BMPR2: variants seen among roughly 807,000 people sequenced by gnomAD.
BMPR2 encodes bone morphogenetic protein receptor type 2.
A neutral mutation model predicts 100.8 loss-of-function variants in BMPR2; 29 were observed. The ratio of observed to expected loss-of-function variants is 0.29; its 90% confidence interval spans 0.21 to 0.39. BMPR2 has a LOEUF of 0.39. Among genes scored for constraint, BMPR2 ranks in the 10% least tolerant of loss-of-function variants. The pLI is 1.00. For missense variants in BMPR2, 1,011 were observed against 1,274.5 expected (o/e 0.79, Z 3.15); for synonymous variants, 382 against 442.3 (o/e 0.86, Z 1.71).
chr2:202,459,934 G>A (rs985687318), intron 1 of BMPR2, among the ~76,000 whole-genome samples: 36 of 151,084 alleles, frequency 2.4e-4, no homozygotes, highest in Admixed American at 1.3e-3. Context: ...AAGCAACCTC[G>A]TTAAAAAGTG....
intron 1 of BMPR2, among the ~76,000 whole-genome samples, chr2:202,378,865 G>C (rs925767292): frequency 3.3e-5 from 5 of 152,046 alleles, no homozygotes; most frequent in African/African-American, 9.6e-5. Flanking sequence ...GGAGTAAAAG[G>C]CCTTAAACGT....
chr2:202,473,726 G>C (rs1307108084), intron 3 of BMPR2, among the ~76,000 whole-genome samples: 1 of 151,808 alleles, frequency 6.6e-6, no homozygotes, highest in Non-Finnish European at 1.5e-5. Flanking sequence ...AGGAGGCGGA[G>C]GTTGCAGTGA....
At chr2:202,519,523 T>C (rs1687783349) in intron 6 of BMPR2, among the ~76,000 whole-genome samples, 1 of 152,220 alleles carries the variant, frequency 6.6e-6, no homozygotes, top group Non-Finnish European at 1.5e-5. Flanking sequence ...CAACTAATTA[T>C]ACTGTTTGTT....
chr2:202,446,536 T>A (rs1374653515), intron 1 of BMPR2, among the ~76,000 whole-genome samples: 2 of 150,546 alleles, frequency 1.3e-5, no homozygotes, highest in Non-Finnish European at 2.9e-5. Flanking sequence ...CTATTGGGCA[T>A]TCATTTCAAT....
intron 3 of BMPR2, among the ~76,000 whole-genome samples, chr2:202,507,990 G>GCACCCAGCTGAGTCTATTA (rs1361760102): frequency 1.3e-5 from 2 of 151,428 alleles, no homozygotes; most frequent in Non-Finnish European, 2.9e-5. Flanking sequence ...GTGAGCCACT[G>GCACCCAGCTGAGTCTATTA]TGCCTGTCCC....
chr2:202,440,903 G>A (rs1455221523), intron 1 of BMPR2, among the ~76,000 whole-genome samples: 1 of 150,488 alleles, frequency 6.6e-6, no homozygotes, highest in Non-Finnish European at 1.5e-5. Flanking sequence ...ATGAAATGGT[G>A]TTGTATATTT....
intron 1 of BMPR2, among the ~76,000 whole-genome samples, chr2:202,386,211 T>G (rs930764752): frequency 3.9e-5 from 6 of 152,202 alleles, no homozygotes; most frequent in Admixed American, 3.9e-4. Flanking sequence ...GCGTACAAGT[T>G]TCAAATTTAT....
chr2:202,412,544 C>A (rs1691035083), intron 1 of BMPR2, among the ~76,000 whole-genome samples: 2 of 152,170 alleles, frequency 1.3e-5, no homozygotes, highest in Admixed American at 1.3e-4. Flanking sequence ...TGGTCTTGAT[C>A]TCCTGACCTC....
intron 1 of BMPR2, among the ~76,000 whole-genome samples, chr2:202,413,698 T>G (rs1018825766): frequency 6.6e-6 from 1 of 151,992 alleles, no homozygotes; most frequent in Non-Finnish European, 1.5e-5. Context: ...AGGGTCTCAC[T>G]CTGTTGCCCA....
At chr2:202,386,739 G>A (rs1464607072) in intron 1 of BMPR2, among the ~76,000 whole-genome samples, 8 of 151,238 alleles carry the variant, frequency 5.3e-5, no homozygotes, top group Non-Finnish European at 1.0e-4. Flanking sequence ...GGAGTACAGT[G>A]GCGCGATCTC....
At chr2:202,516,084 TAA>T (rs1202940224) in intron 5 of BMPR2, among the ~76,000 whole-genome samples, 1 of 152,268 alleles carries the variant, frequency 6.6e-6, no homozygotes, top group African/African-American at 2.4e-5. Flanking sequence ...ATATAGAATT[TAA>T]GTTTCATTTG....
chr2:202,515,519 C>T (rs1039610976), intron 5 of BMPR2, among the ~76,000 whole-genome samples: 1 of 149,320 alleles, frequency 6.7e-6, no homozygotes, highest in Admixed American at 6.7e-5. Context: ...TGCGGTGAGC[C>T]GAGATCGCAC....
intron 1 of BMPR2, among the ~76,000 whole-genome samples, chr2:202,399,893 C>T (rs1219847026): frequency 1.3e-5 from 2 of 152,196 alleles, no homozygotes; most frequent in African/African-American, 2.4e-5. Context: ...AGGAGGATTA[C>T]TTGATCCCAG....
At chr2:202,392,380 C>G (rs901870531) in intron 1 of BMPR2, among the ~76,000 whole-genome samples, 5 of 152,158 alleles carry the variant, frequency 3.3e-5, no homozygotes, top group African/African-American at 9.7e-5. Context: ...CCAGTCTACA[C>G]TCTTAACTGC....
At chr2:202,383,149 G>A (rs1321194417) in intron 1 of BMPR2, among the ~76,000 whole-genome samples, 1 of 152,238 alleles carries the variant, frequency 6.6e-6, no homozygotes, top group Non-Finnish European at 1.5e-5. Context: ...TTTGCAGTGT[G>A]GCCTGGGCGA....
intron 9 of BMPR2, among the ~76,000 whole-genome samples, chr2:202,535,195 C>T (rs1372839540): frequency 6.6e-6 from 1 of 151,292 alleles, no homozygotes; most frequent in African/African-American, 2.4e-5. Flanking sequence ...ACCCCCCCCA[C>T]CTCCCTCCCG....
intron 3 of BMPR2, among the ~76,000 whole-genome samples, chr2:202,512,590 C>T (rs367798873): frequency 1.3e-5 from 2 of 152,304 alleles, no homozygotes; most frequent in Admixed American, 6.5e-5. Flanking sequence ...GGTCTCAAAC[C>T]TTCATAGTTG....
At chr2:202,494,362 G>A (rs188090648) in intron 3 of BMPR2, among the ~76,000 whole-genome samples, 102 of 152,324 alleles carry the variant, frequency 6.7e-4, no homozygotes, top group African/African-American at 2.4e-3. Context: ...TCCCTTTGCT[G>A]CTTGCTGCAC....
intron 3 of BMPR2, among the ~76,000 whole-genome samples, chr2:202,501,848 A>G (rs1450433263): frequency 6.6e-6 from 1 of 152,212 alleles, no homozygotes; most frequent in Non-Finnish European, 1.5e-5. Context: ...TGGGGAACCA[A>G]TCGAGCATGA....
Sources: allele counts gnomAD v4.1 joint callset (sites outside exome capture counted in the v4.1 genomes callset), GRCh38; gene constraint gnomAD v4.1.1; transcripts MANE v1.5; gene names NCBI Gene and HGNC (gene_info 2026-07-23, HGNC 2026-07-21).